The following TRABD2B variants were observed in gnomAD, a reference collection of about 807,000 sequenced individuals.
TRABD2B encodes metalloprotease TIKI2.
TRABD2B carries 14 observed loss-of-function variants against 40.1 expected under a neutral mutation model. The ratio of observed to expected loss-of-function variants is 0.35; its 90% confidence interval spans 0.23 to 0.55. The LOEUF is 0.55. TRABD2B is among the 20% of genes least tolerant of loss of function. TRABD2B has a pLI of 0.90. For synonymous variants in TRABD2B, 263 were observed against 277.0 expected (o/e 0.95, Z 0.50); for missense variants, 541 against 648.6 (o/e 0.83, Z 1.80).
intron 2 of TRABD2B, among the ~76,000 whole-genome samples, chr1:47,907,652 T>C (rs970104879): frequency 1.3e-5 from 2 of 152,148 alleles, no homozygotes; most frequent in African/African-American, 4.8e-5. Flanking sequence ...TGCACTCATG[T>C]TTGTTCTCAC....
intron 2 of TRABD2B, among the ~76,000 whole-genome samples, chr1:47,861,053 C>A (rs1643960496): frequency 6.6e-6 from 1 of 152,170 alleles, no homozygotes; most frequent in Non-Finnish European, 1.5e-5. Context: ...TCTTCCAATT[C>A]TCTTGTGCTA....
At chr1:47,784,934 A>T (rs1235460239) in intron 4 of TRABD2B, among the ~76,000 whole-genome samples, 1 of 152,120 alleles carries the variant, frequency 6.6e-6, no homozygotes, top group East Asian at 1.9e-4. Context: ...GCAGGCAAAC[A>T]CTCACAGGAC....
At chr1:47,826,440 A>G (rs950436049) in intron 2 of TRABD2B, among the ~76,000 whole-genome samples, 12 of 152,088 alleles carry the variant, frequency 7.9e-5, no homozygotes, top group African/African-American at 2.9e-4. Context: ...TTTAAAATAT[A>G]TATTTATTTC....
intron 4 of TRABD2B, among the ~76,000 whole-genome samples, chr1:47,793,571 G>A (rs1644705176): frequency 6.6e-6 from 1 of 152,262 alleles, no homozygotes; most frequent in African/African-American, 2.4e-5. Flanking sequence ...GAACACAGTG[G>A]CACCAGGTGT....
intron 2 of TRABD2B, among the ~76,000 whole-genome samples, chr1:47,913,196 AC>A (rs1160097185): frequency 6.6e-6 from 1 of 152,102 alleles, no homozygotes; most frequent in African/African-American, 2.4e-5. Context: ...CCCAGTTCTT[AC>A]AGTTCCTCGT....
At chr1:47,952,695 G>A (rs148545393) in intron 2 of TRABD2B, among the ~76,000 whole-genome samples, 8 of 152,296 alleles carry the variant, frequency 5.3e-5, no homozygotes, top group South Asian at 2.1e-4. Flanking sequence ...CCTCAAGGGC[G>A]TAATACATTG....
chr1:47,866,097 T>C (rs1644052917), intron 2 of TRABD2B, among the ~76,000 whole-genome samples: 1 of 152,062 alleles, frequency 6.6e-6, no homozygotes, highest in Non-Finnish European at 1.5e-5. Context: ...ACTGCCACTG[T>C]ATTCTGCTCT....
chr1:47,952,766 T>A (rs1305039223), intron 2 of TRABD2B, among the ~76,000 whole-genome samples: 2 of 152,182 alleles, frequency 1.3e-5, no homozygotes, highest in Non-Finnish European at 2.9e-5. Flanking sequence ...TTATACAGTA[T>A]TTACTGAACA....
In TRABD2B at chr1:47,762,051, C is replaced by T. The variant is rs1644249646; in HGVS notation, c.*3851G>A. 6.6e-6 allele frequency: 1 copy of T among 152,168 alleles called. No individual in the cohort carries two copies. The highest frequency in any genetic ancestry group is 2.4e-5 in the African/African-American group (1 of 41,478). 9.4% of individuals were successfully genotyped at this position (152,168 alleles called of 1,614,324 possible). A position where few individuals can be genotyped will look rare whatever the true frequency, so the allele number is the denominator to read the frequency against. On this transcript the variant is annotated 3_prime_UTR_variant, in exon 7 of 7. Coordinates refer to ENST00000606738, the MANE Select transcript of TRABD2B (RefSeq NM_001194986.2). ...TGGGCAGTGGGTATTGTGATAGATG[C>T]TAAGAAAGCACAAAGGAATGGGAGG... is the stretch of plus-strand genomic sequence containing the variant.
chr1:47,955,510 C>G (rs1645406795), intron 2 of TRABD2B, among the ~76,000 whole-genome samples: 1 of 152,202 alleles, frequency 6.6e-6, no homozygotes, highest in South Asian at 2.1e-4. Context: ...TCTCCTCAGT[C>G]TGATCTCAGG....
chr1:47,826,866 C>T (rs1158566742), intron 2 of TRABD2B, among the ~76,000 whole-genome samples: 3 of 152,200 alleles, frequency 2.0e-5, no homozygotes. Context: ...AGCTACTGCG[C>T]CCGGCCTAGG....
chr1:47,889,955 A>C (rs1464158042), intron 2 of TRABD2B, among the ~76,000 whole-genome samples: 1 of 152,256 alleles, frequency 6.6e-6, no homozygotes, highest in Non-Finnish European at 1.5e-5. Flanking sequence ...AAAGTAAATT[A>C]TTAGCTCCCT....
rs114261482 is a variant in TRABD2B at position 47,891,126 on chromosome 1, C to T, written c.667-89507G>A. On this transcript the variant is annotated intron_variant, in intron 2 of 6. Coordinates refer to ENST00000606738, the MANE Select transcript of TRABD2B (RefSeq NM_001194986.2). ...ATAAGGATTAACTGAATTATTATTA[C>T]AAGTAAACTGTTTAGAATAGTGCTT... Among the ~76,000 whole-genome samples, 643 of 152,308 alleles carry T rather than the reference C, an allele frequency of 4.2e-3. 1 individual carries two copies. Among genetic ancestry groups the T allele is most frequent in the Non-Finnish European group, 7.3e-3 (498 of 68,030 alleles).
chr1:47,823,684 C>T (rs540544344), intron 2 of TRABD2B, among the ~76,000 whole-genome samples: 22 of 152,264 alleles, frequency 1.4e-4, no homozygotes, highest in Middle Eastern at 3.4e-3. Flanking sequence ...GCCTTCAGCC[C>T]GGCTGAACAG....
At chr1:47,971,756 TC>T (rs1557688010) in intron 2 of TRABD2B, among the ~76,000 whole-genome samples, 1 of 152,208 alleles carries the variant, frequency 6.6e-6, no homozygotes, top group African/African-American at 2.4e-5. Context: ...ACCAAAGACT[TC>T]CCATTCACCC....
intron 2 of TRABD2B, among the ~76,000 whole-genome samples, chr1:47,859,275 G>A (rs1239332531): frequency 1.3e-5 from 2 of 152,050 alleles, no homozygotes; most frequent in Non-Finnish European, 2.9e-5. Flanking sequence ...CGCCTTTGCT[G>A]TGGTCTGGTG....
rs554052393 is a variant in TRABD2B, at chr1:47,767,046, C to T, written c.1350-940G>A. On this transcript the variant is annotated intron_variant, in intron 6 of 6. Coordinates refer to ENST00000606738, the MANE Select transcript of TRABD2B (RefSeq NM_001194986.2). ...TACTGGCTCAGGTCCAGGAAAGAGA[C>T]ATAGGAAATGGACAGGCAGAGAGAG... Among the ~76,000 whole-genome samples, 16 of 152,140 alleles carry T rather than the reference C, an allele frequency of 1.1e-4. No individual in the cohort carries two copies. The East Asian group carries it at 3.1e-3, about 29-fold the overall frequency.
At chr1:47,975,602 G>A (rs1397643280) in intron 2 of TRABD2B, among the ~76,000 whole-genome samples, 1 of 152,264 alleles carries the variant, frequency 6.6e-6, no homozygotes, top group African/African-American at 2.4e-5. Flanking sequence ...TTTTGAGGAT[G>A]AATTCAGTTA....
intron 2 of TRABD2B, among the ~76,000 whole-genome samples, chr1:47,888,178 C>T (rs1487032546): frequency 2.0e-5 from 3 of 152,218 alleles, no homozygotes; most frequent in Non-Finnish European, 2.9e-5. Flanking sequence ...ATCTCTGGTC[C>T]TTTCAAATCT....
Sources: gnomAD v4.1 joint callset for allele counts (sites outside exome capture counted in the v4.1 genomes callset) on GRCh38, gnomAD v4.1.1 for gene constraint, MANE v1.5 for transcripts, NCBI Gene and HGNC (gene_info 2026-07-23, HGNC 2026-07-21) for gene names.